AFF2: variants seen among roughly 807,000 people sequenced by gnomAD.
The protein encoded by AFF2 is ALF transcription elongation factor 2.
In AFF2, 14 loss-of-function variants were observed where a neutral mutation model predicts 76.9. The observed-to-expected ratio is 0.18, with a 90% CI of 0.12 to 0.28. The LOEUF is 0.28. Ranked by LOEUF, AFF2 falls within the 10% of genes least tolerant of loss-of-function variation. AFF2 has a pLI of 1.00. For missense variants in AFF2, 868 were observed against 1,001.1 expected, an observed-to-expected ratio of 0.87 and a Z score of 1.79; for synonymous variants, 398 against 366.7, an observed-to-expected ratio of 1.09 and a Z score of -0.98.
At chrX:148,977,371 T>C (rs1557290383) in intron 16 of AFF2, among the ~76,000 whole-genome samples, 1 of 109,620 alleles carries the variant, frequency 9.1e-6, no homozygotes, top group African/African-American at 3.3e-5. Context: ...GAAATCGACC[T>C]TCCTTTAAAA....
At chrX:148,618,264 G>A (rs1557250765) in intron 1 of AFF2, among the ~76,000 whole-genome samples, 1 of 111,385 alleles carries the variant, frequency 9.0e-6, no homozygotes, top group Non-Finnish European at 1.9e-5. Context: ...GCCCAAGATT[G>A]GGTAATTCAT....
chrX:148,561,651 C>T (rs2053114726), intron 1 of AFF2, among the ~76,000 whole-genome samples: 1 of 111,092 alleles, frequency 9.0e-6, no homozygotes, highest in South Asian at 3.8e-4. Flanking sequence ...CCTACTGAGC[C>T]AGGATCTCTA....
At chrX:148,844,653 C>T (rs1157967979) in intron 7 of AFF2, among the ~76,000 whole-genome samples, 1 of 111,240 alleles carries the variant, frequency 9.0e-6, no homozygotes, top group Non-Finnish European at 1.9e-5. Context: ...GAATTGCTCA[C>T]CTTTTGGAAG....
At chrX:148,792,710 A>G (rs1179574484) in intron 3 of AFF2, among the ~76,000 whole-genome samples, 3 of 112,383 alleles carry the variant, frequency 2.7e-5, no homozygotes, top group Non-Finnish European at 5.6e-5. Flanking sequence ...GGTTACTGTT[A>G]GGCTATGATT....
intron 1 of AFF2, among the ~76,000 whole-genome samples, chrX:148,629,101 TTGTGTGTGTG>T (rs58772444): frequency 1.9e-5 from 2 of 102,841 alleles, no homozygotes; most frequent in Admixed American, 1.1e-4. Context: ...TGACAAGAGT[TTGTGTGTGTG>T]TGTGTGTGTG....
chrX:148,752,392 A>G (rs1557266550), intron 3 of AFF2, among the ~76,000 whole-genome samples: 1 of 111,979 alleles, frequency 8.9e-6, no homozygotes, highest in Admixed American at 9.5e-5. Flanking sequence ...ATGTCTGCAG[A>G]AGGAAGGAAG....
intron 1 of AFF2, among the ~76,000 whole-genome samples, chrX:148,586,373 T>A (rs1330071647): frequency 8.9e-6 from 1 of 112,207 alleles, no homozygotes; most frequent in African/African-American, 3.2e-5. Context: ...CATATTAGGC[T>A]TTTAGAATTT....
chrX:148,764,093 T>G (rs782242265), intron 3 of AFF2, among the ~76,000 whole-genome samples: 28 of 112,196 alleles, frequency 2.5e-4, no homozygotes, highest in Non-Finnish European at 4.3e-4. Context: ...TATGGCTGCC[T>G]TTTAAATACC....
At position 148,569,655 on chromosome X, in the gene AFF2, G is replaced by A. The variant is rs782633196; in HGVS notation, c.47+68511G>A. Among the ~76,000 whole-genome samples, 30 of 111,317 alleles carry A rather than the reference G, an allele frequency of 2.7e-4. 1 individual carries two copies. The highest frequency in any genetic ancestry group is 3.8e-5 in the Non-Finnish European group (2 of 52,966). On this transcript the variant is annotated intron_variant, in intron 1 of 20. Transcript: ENST00000370460. ...ATTCTCTGAGGATAACTGTGTGTGT[G>A]TTTGACCTCTAGAGCTGAAGTCACG...
intron 15 of AFF2, among the ~76,000 whole-genome samples, chrX:148,969,980 C>T (rs781808295): frequency 1.6e-4 from 18 of 111,323 alleles, no homozygotes; most frequent in Admixed American, 8.6e-4. Context: ...CTCCTAGGGA[C>T]GAAGGGGTTT....
chrX:148,880,246 A>C (rs952149784), intron 7 of AFF2, among the ~76,000 whole-genome samples: 2 of 111,822 alleles, frequency 1.8e-5, no homozygotes, highest in Non-Finnish European at 3.8e-5. Flanking sequence ...AGGGGAAAAA[A>C]CAGCCTGAGC....
chrX:148,942,484 G>A (rs1467967328), intron 9 of AFF2, among the ~76,000 whole-genome samples: 3 of 111,402 alleles, frequency 2.7e-5, no homozygotes, highest in Non-Finnish European at 3.8e-5. Flanking sequence ...AAAGCTTTTA[G>A]TTCACCAGGG....
rs143955013 is a variant in AFF2, at chrX:148,577,301, G to A, written c.48-74698G>A. Among the ~76,000 whole-genome samples the A allele has an allele frequency of 6.5e-3, 731 of 112,017 alleles. 3 individuals are homozygous for A. The highest frequency in any genetic ancestry group is 0.022 in the African/African-American group (691 of 30,940). On this transcript the variant is annotated intron_variant, in intron 1 of 20. Coordinates refer to ENST00000370460, the MANE Select transcript of AFF2 (RefSeq NM_002025.4). Reference sequence around the variant, plus strand: ...TGGATGTGTGTGTGTGTGTGTGCGCGCACACACGTGCGCACAAGTCAACCA... The same window carrying A: ...TGGATGTGTGTGTGTGTGTGTGCGCACACACACGTGCGCACAAGTCAACCA...
At chrX:148,747,839 C>G (rs1465856424) in intron 3 of AFF2, among the ~76,000 whole-genome samples, 1 of 111,274 alleles carries the variant, frequency 9.0e-6, no homozygotes, top group Non-Finnish European at 1.9e-5. Flanking sequence ...TGCTGGTTCC[C>G]TCATAATTTA....
At chrX:148,664,173 T>C (rs1323831420) in intron 3 of AFF2, among the ~76,000 whole-genome samples, 2 of 111,712 alleles carry the variant, frequency 1.8e-5, no homozygotes, top group Non-Finnish European at 3.8e-5. Context: ...TCTGACCATG[T>C]CACTCCCTGC....
At chrX:148,722,345 C>T (rs2055103938) in intron 3 of AFF2, among the ~76,000 whole-genome samples, 1 of 111,346 alleles carries the variant, frequency 9.0e-6, no homozygotes, top group African/African-American at 3.3e-5. Flanking sequence ...CTAAGTGACA[C>T]GTATCCACGC....
At chrX:148,693,234 A>C (rs1466646372) in intron 3 of AFF2, among the ~76,000 whole-genome samples, 1 of 111,980 alleles carries the variant, frequency 8.9e-6, no homozygotes, top group Admixed American at 9.4e-5. Flanking sequence ...CAGGTTTTTA[A>C]GCCCCTGCAT....
chrX:148,516,022 C>T (rs781918275), intron 1 of AFF2, among the ~76,000 whole-genome samples: 85 of 112,105 alleles, frequency 7.6e-4, no homozygotes, highest in African/African-American at 2.7e-3. Context: ...GCAAAGAAGC[C>T]TTCTTTGAAC....
intron 1 of AFF2, among the ~76,000 whole-genome samples, chrX:148,624,414 C>T (rs1557251727): frequency 8.9e-6 from 1 of 111,869 alleles, no homozygotes; most frequent in Non-Finnish European, 1.9e-5. Context: ...GCCATATTAC[C>T]GGCATTATTT....
Sources: gnomAD v4.1 joint callset for allele counts (sites outside exome capture counted in the v4.1 genomes callset) on GRCh38, gnomAD v4.1.1 for gene constraint, MANE v1.5 for transcripts, NCBI Gene and HGNC (gene_info 2026-07-23, HGNC 2026-07-21) for gene names.